Variants in ABCA4 observed in about 807,000 individuals in gnomAD.
ABCA4 encodes retinal-specific phospholipid-transporting ATPase ABCA4.
ABCA4 carries 196 observed loss-of-function variants against 263.7 expected under a neutral mutation model. That is an observed-to-expected ratio of 0.74 (90% CI 0.66 to 0.84). The LOEUF (loss-of-function observed/expected upper bound fraction) is 0.84, where lower values mean the gene tolerates loss of function less well. Among genes scored for constraint, ABCA4 ranks in the 40% least tolerant of loss-of-function variants. ABCA4 has a pLI of 0.00. For missense variants in ABCA4, 2,792 were observed against 2,855.1 expected (o/e 0.98, Z 0.50); for synonymous variants, 1,133 against 1,094.2 (o/e 1.04, Z -0.70).
At chr1:94,035,093 C>A (rs534215376) in intron 26 of ABCA4, among the ~76,000 whole-genome samples, 29 of 152,326 alleles carry the variant, frequency 1.9e-4, no homozygotes, top group Admixed American at 9.8e-4. Context: ...CTCCCCTTGA[C>A]TGTATCTTTG....
chr1:94,076,426 C>A (rs1341311186), intron 11 of ABCA4, among the ~76,000 whole-genome samples: 1 of 152,182 alleles, frequency 6.6e-6, no homozygotes. Context: ...ACTCTTGGAT[C>A]CTCCTGAACT....
Position 94,062,645 on chromosome 1 carries a change from C to A in ABCA4, c.1869G>T (p.Gln623His), listed in dbSNP as rs1202066198. ...DMVEQGITRS[Q>H]VQAEAPVGIY... ...TTCCAACTGGAGCCTCCGCCTGCACCTGGCTCCTTGTGATCCCCTGTTCAA... is the reference window on the plus strand; with the variant it reads ...TTCCAACTGGAGCCTCCGCCTGCACATGGCTCCTTGTGATCCCCTGTTCAA... Residue 623 changes from glutamine to histidine, a missense_variant, in exon 13 of 50, where the codon CAG becomes CAT. Physicochemically the swap from Gln to His is conservative, Grantham distance 24. Transcript: ENST00000370225. The A allele has an allele frequency of 1.2e-6, 2 of 1,614,082 alleles. No homozygotes were observed. Among genetic ancestry groups the A allele is most frequent in the African/African-American group, 1.3e-5 (1 of 74,924 alleles).
chr1:94,120,940 C>A (rs941083652), intron 1 of ABCA4, 40 bp downstream of exon 1: 2 of 1,174,042 alleles, frequency 1.7e-6, no homozygotes, highest in Non-Finnish European at 2.3e-6. Context: ...TGTTTATTTG[C>A]TCCACACCTC....
chr1:94,084,998 C>T (rs1661793883), intron 6 of ABCA4, among the ~76,000 whole-genome samples: 1 of 152,136 alleles, frequency 6.6e-6, no homozygotes, highest in Non-Finnish European at 1.5e-5. Context: ...ACCTGAGAGA[C>T]ATAGCAGTAA....
intron 24 of ABCA4, among the ~76,000 whole-genome samples, chr1:94,037,639 C>G (rs1476987812): frequency 2.0e-5 from 3 of 152,138 alleles, no homozygotes; most frequent in African/African-American, 7.2e-5. Context: ...CTTTCCTGTG[C>G]CAGTTCCTCC....
chr1:94,098,778 C>G lies in ABCA4; in HGVS notation c.768+16G>C. 1 of 1,614,092 alleles carries G rather than the reference C, an allele frequency of 6.2e-7. No individual in the cohort carries two copies. Reference sequence around the variant, plus strand: ...AATCACCTTGCAATTGGCGAGCAGCCAAACCCCTCCCTTACCACACGGAAG... The same window carrying G: ...AATCACCTTGCAATTGGCGAGCAGCGAAACCCCTCCCTTACCACACGGAAG... On this transcript the variant is annotated intron_variant, in intron 6 of 49. Transcript: ENST00000370225.
intron 30 of ABCA4, among the ~76,000 whole-genome samples, chr1:94,025,858 T>C (rs1660028557): frequency 6.6e-6 from 1 of 152,248 alleles, no homozygotes; most frequent in Non-Finnish European, 1.5e-5. Context: ...GGACTTTGCC[T>C]GATTTGTGAG....
In ABCA4 at chr1:94,069,423, C is replaced by T. The variant is rs976411994; in HGVS notation, c.1555-6106G>A. 5.4e-4 allele frequency among the ~76,000 whole-genome samples: 83 copies of T among 152,298 alleles called. 1 individual carries two copies. The highest frequency in any genetic ancestry group is 1.7e-3 in the African/African-American group (69 of 41,560). ...CATATTTTGACGAATACATCCAGGA[C>T]GTGCTAGGAGTGAGGTCTTCGAGGG... On this transcript the variant is annotated intron_variant, in intron 11 of 49. Transcript: ENST00000370225.
intron 39 of ABCA4, 60 bp downstream of exon 39, chr1:94,011,201 CG>C (rs1167544396): frequency 2.7e-5 from 43 of 1,612,558 alleles, no homozygotes; most frequent in Non-Finnish European, 3.4e-6. Context: ...GGAGCCCCCC[CG>C]GTAACCCTCC....
intron 6 of ABCA4, among the ~76,000 whole-genome samples, chr1:94,091,221 C>G (rs1661957490): frequency 6.6e-6 from 1 of 152,160 alleles, no homozygotes; most frequent in Non-Finnish European, 1.5e-5. Context: ...CAAATAGTTA[C>G]TAAGCTCCAG....
At chr1:94,079,068 G>A (rs1661615430) in intron 9 of ABCA4, among the ~76,000 whole-genome samples, 1 of 152,136 alleles carries the variant, frequency 6.6e-6, no homozygotes. Flanking sequence ...CCTTCCATTA[G>A]GGATATAATT....
intron 26 of ABCA4, among the ~76,000 whole-genome samples, chr1:94,033,424 AAAAAAAAAAAAAAG>A (rs1022786611): frequency 2.1e-4 from 9 of 43,886 alleles, no homozygotes; most frequent in Non-Finnish European, 6.0e-4. Flanking sequence ...ACTCTATCTC[AAAAAAAAAAAAAAG>A]AAAAAAAAAA....
At chr1:94,018,134 C>T (rs979647269) in intron 36 of ABCA4, among the ~76,000 whole-genome samples, 1 of 152,260 alleles carries the variant, frequency 6.6e-6, no homozygotes, top group Non-Finnish European at 1.5e-5. Context: ...CTCAGATGTC[C>T]ACTCTATCCT....
chr1:94,014,537 G>A lies in ABCA4; in HGVS notation c.5460+6C>T, dbSNP rs886046561. On this transcript the variant is annotated splice_donor_region_variant and intron_variant, in intron 38 of 49. Transcript: ENST00000370225. ...CAAACAAAAAAGCCAAGAAAGTTATGCTCACCCGGTTATTCTCAAATAATT... is the reference window on the plus strand; with the variant it reads ...CAAACAAAAAAGCCAAGAAAGTTATACTCACCCGGTTATTCTCAAATAATT... 1 of 1,614,076 alleles carries A rather than the reference G, an allele frequency of 6.2e-7. No individual in the cohort carries two copies. The highest frequency in any genetic ancestry group is 8.5e-7 in the Non-Finnish European group (1 of 1,179,972).
At chr1:94,018,744 A>G (rs1659811224) in intron 36 of ABCA4, among the ~76,000 whole-genome samples, 1 of 152,156 alleles carries the variant, frequency 6.6e-6, no homozygotes. Flanking sequence ...TCCCTGTTAC[A>G]TTATAACTAG....
chr1:94,078,715 A>G lies in ABCA4; in HGVS notation c.1240-9T>C. On this transcript the variant is annotated splice_polypyrimidine_tract_variant and intron_variant, in intron 9 of 49. Transcript: ENST00000370225. ...TCAAAAGTTGAGTTGGCCTAAAACC[A>G]GACAGAGATCAAGACAGAGACACGA... is the stretch of plus-strand genomic sequence containing the variant. The G allele has an allele frequency of 4.4e-6, 7 of 1,593,910 alleles. No homozygotes were observed. Among genetic ancestry groups the G allele is most frequent in the Non-Finnish European group, 4.3e-6 (5 of 1,161,310 alleles).
intron 6 of ABCA4, among the ~76,000 whole-genome samples, chr1:94,083,747 C>T (rs1447064013): frequency 1.3e-5 from 2 of 152,134 alleles, no homozygotes; most frequent in African/African-American, 2.4e-5. Flanking sequence ...AACAAGATTC[C>T]TGGAGGAAGG....
Position 94,041,427 on chromosome 1 carries a change from C to T in ABCA4, c.3329-25G>A, listed in dbSNP as rs142951526. 359 of 1,612,372 alleles carry T rather than the reference C, an allele frequency of 2.2e-4. No individual in the cohort carries two copies. The highest frequency in any genetic ancestry group is 1.9e-3 in the Middle Eastern group (10 of 5,158). On this transcript the variant is annotated intron_variant, in intron 22 of 49. Transcript: ENST00000370225. ...CCTGCAAGGTAGGGGCCAGGGCAAT[C>T]ACCAGGCCTGCCCTGGGTTGGGCAT... is the stretch of plus-strand genomic sequence containing the variant.
chr1:94,098,992 C>A lies in ABCA4; in HGVS notation c.571-1G>T, dbSNP rs61748533. The A allele has an allele frequency of 6.2e-7, 1 of 1,605,050 alleles. No individual in the cohort carries two copies. Reference sequence around the variant, plus strand: ...CCAGGTCCGGGACTCCATGAGCGAACTGCAGGGAGAAGAGGCAACACTAGA... The same window carrying A: ...CCAGGTCCGGGACTCCATGAGCGAAATGCAGGGAGAAGAGGCAACACTAGA... On this transcript the variant is annotated splice_acceptor_variant, in intron 5 of 49. Transcript: ENST00000370225. LOFTEE classifies it high-confidence loss of function.
Sources: gnomAD v4.1 joint callset for allele counts (sites outside exome capture counted in the v4.1 genomes callset) on GRCh38, gnomAD v4.1.1 for gene constraint, MANE v1.5 for transcripts, NCBI Gene and HGNC (gene_info 2026-07-23, HGNC 2026-07-21) for gene names.